Variants in IDH3G observed in about 807,000 individuals in gnomAD.
The protein encoded by IDH3G is isocitrate dehydrogenase [NAD] subunit gamma, mitochondrial.
IDH3G carries 9 observed loss-of-function variants against 26.9 expected under a neutral mutation model. The observed-to-expected ratio is 0.34, with a 90% CI of 0.20 to 0.58. IDH3G has a LOEUF of 0.58. Among genes scored for constraint, IDH3G ranks in the 20% least tolerant of loss-of-function variants. IDH3G has a pLI of 0.85. For missense variants in IDH3G, 250 were observed against 372.8 expected (o/e 0.67, Z 2.71); for synonymous variants, 181 against 160.0 (o/e 1.13, Z -0.99).
chrX:153,786,570 CA>C, intron 10 of IDH3G, 121 bp from the exon 11 acceptor site: 3 of 652,674 alleles, frequency 4.6e-6, no homozygotes, highest in Admixed American at 6.1e-5. Context: ...CAGCGGGTGC[CA>C]GGGGTTGGGG....
In IDH3G at chrX:153,787,720, G is replaced by A. The variant is rs984610527; in HGVS notation, c.540+103C>T. 2.8e-5 allele frequency: 32 copies of A among 1,130,671 alleles called. No homozygotes were observed. The African/African-American group carries it at 4.1e-4, about 15-fold the overall frequency. 93.2% of individuals were successfully genotyped at this position (1,130,671 alleles called of 1,213,427 possible). ...TCTGCCTATTTCTGGCTTCTCCCTC[G>A]GGCACAGCCCCTGCCCTCTAAGGGT... is the stretch of plus-strand genomic sequence containing the variant. On this transcript the variant is annotated intron_variant, in intron 7 of 12. Transcript: ENST00000217901.
Position 153,789,190 on chromosome X carries a change from C to A in IDH3G, c.346+522G>T, listed in dbSNP as rs1557069862. On this transcript the variant is annotated intron_variant, in intron 5 of 12. Coordinates refer to ENST00000217901, the MANE Select transcript of IDH3G (RefSeq NM_004135.4). Reference sequence around the variant, plus strand: ...CTCCAAGCACGAGGGTCCTCTCTAGCCAGACAAGCCCTGAAATCAGAGCCG... The same window carrying A: ...CTCCAAGCACGAGGGTCCTCTCTAGACAGACAAGCCCTGAAATCAGAGCCG... 1.2e-5 allele frequency: 4 copies of A among 342,749 alleles called. No homozygotes were observed. In the Admixed American group the frequency reaches 1.2e-4, roughly 11 times the overall value. The allele number at this position is 342,749 out of a possible 1,213,427, so 28.2% of individuals were successfully genotyped here.
chrX:153,787,051 C>T lies in IDH3G; in HGVS notation c.777G>A (p.Gln259=). 2.5e-6 allele frequency: 3 copies of T among 1,205,799 alleles called. No homozygotes were observed. The highest frequency in any genetic ancestry group is 3.0e-5 in the East Asian group (1 of 33,726). The change falls in exon 9 of 13, where the codon CAG becomes CAA. Residue 259 remains glutamine (Q), a splice_region_variant and synonymous_variant. Coordinates refer to ENST00000217901, the MANE Select transcript of IDH3G (RefSeq NM_004135.4). The part of the protein sequence containing the change: ...ENMIVDNTTM[Q]LVSRPQQFDV... ...GGGACAGCACTGGGCAGGCTAATAC[C>T]TGCATGGTGGTGTTATCCACAATCA...
intron 1 of IDH3G, among the ~76,000 whole-genome samples, chrX:153,792,764 T>G (rs2092114167): frequency 8.9e-6 from 1 of 112,692 alleles, no homozygotes; most frequent in Non-Finnish European, 1.9e-5. Flanking sequence ...CTGACCTTAC[T>G]GTACAGATGC....
chrX:153,787,484 G>A lies in IDH3G; in HGVS notation c.654C>T (p.Ala218=), dbSNP rs782245272. The A allele has an allele frequency of 8.3e-6, 10 of 1,211,576 alleles. No homozygotes were observed. The highest frequency in any genetic ancestry group is 4.3e-5 in the Admixed American group (2 of 46,123). Residue 218 remains alanine, a synonymous_variant, in exon 8 of 13, where the codon GCC becomes GCT. Coordinates refer to ENST00000217901, the MANE Select transcript of IDH3G (RefSeq NM_004135.4). Reference sequence around the variant, plus strand: ...CATACATGATGTTGGCCTTGTGCACGGCCGTCACTTTCTTGCGCCCGCTCT... The same window carrying A: ...CATACATGATGTTGGCCTTGTGCACAGCCGTCACTTTCTTGCGCCCGCTCT... ...AQESGRKKVT[A]VHKANIMKLG...
Position 153,787,892 on chromosome X carries a change from C to T in IDH3G, c.471G>A (p.Arg157=), listed in dbSNP as rs2092095553. ...CAATGAGGATGTCTATGTCCTTGTG[C>T]CGGGTCACCACGCCTGGAAGGCTCT... is the stretch of plus-strand genomic sequence containing the variant. The part of the protein sequence containing the change: ...HCKSLPGVVT[R]HKDIDILIVR... Residue 157 remains arginine, a synonymous_variant, in exon 7 of 13, where the codon CGG becomes CGA. Coordinates refer to ENST00000217901, the MANE Select transcript of IDH3G (RefSeq NM_004135.4). 1 of 1,210,787 alleles carries T rather than the reference C, an allele frequency of 8.3e-7. No individual in the cohort carries two copies. The highest frequency in any genetic ancestry group is 1.1e-6 in the Non-Finnish European group (1 of 894,417).
rs200756140 is a variant in IDH3G, at chrX:153,789,789, T to G, written c.269A>C (p.His90Pro). ...CTCTTCATCAGCATTGGAACTCACG[T>G]GCACCTCTTCAAAGTCCACTGGTAC... The part of the protein sequence containing the change: ...ACVPVDFEEV[H>P]VSSNADEEDI... The change falls in exon 5 of 13, where the codon CAC (histidine) becomes CCC (proline). Residue 90 changes from histidine to proline, a missense_variant. This residue lies in a region of IDH3G where 201 missense variants were observed against 331.3 expected (regional missense o/e 0.61). Transcript: ENST00000217901. 8.3e-7 allele frequency: 1 copy of G among 1,205,726 alleles called. No individual in the cohort carries two copies. Among genetic ancestry groups the G allele is most frequent in the South Asian group, 1.8e-5 (1 of 56,106 alleles).
chrX:153,786,497 G>A (rs781817649), intron 10 of IDH3G, 48 bp from the exon 11 acceptor site: 37 of 970,756 alleles, frequency 3.8e-5, no homozygotes, highest in Middle Eastern at 2.6e-4. Context: ...GAAGGATGCC[G>A]GGCAGTGACT....
At chrX:153,790,469 C>G in intron 3 of IDH3G, 95 bp downstream of exon 3, 1 of 1,013,153 alleles carries the variant, frequency 9.9e-7, no homozygotes. Flanking sequence ...ATCCAGGGCT[C>G]CTGGGTCAGC....
Position 153,790,474 on chromosome X carries a change from G to A in IDH3G, c.135+90C>T, listed in dbSNP as rs997329137. The stretch of plus-strand genomic sequence containing the variant: ...AGGGCTGCTCATCCAGGGCTCCTGG[G>A]TCAGCAGCAGCCCACCCCCACCTGG... On this transcript the variant is annotated intron_variant, in intron 3 of 12. Coordinates refer to ENST00000217901, the MANE Select transcript of IDH3G (RefSeq NM_004135.4). 26 of 1,024,342 alleles carry A rather than the reference G, an allele frequency of 2.5e-5. No individual in the cohort carries two copies. The African/African-American group carries it at 3.9e-4, about 15-fold the overall frequency. The allele number at this position is 1,024,342 out of a possible 1,213,427, so 84.4% of individuals were successfully genotyped here.
intron 10 of IDH3G, 83 bp from the exon 11 acceptor site, chrX:153,786,532 A>C (rs2092088763): frequency 3.8e-6 from 3 of 792,721 alleles, no homozygotes; most frequent in East Asian, 3.5e-5. Context: ...CGTCCAGAAG[A>C]AGCCACTCCA....
chrX:153,793,502 G>A (rs1246274956), intron 1 of IDH3G: 1 of 111,998 alleles, frequency 8.9e-6, no homozygotes, highest in East Asian at 2.8e-4. Flanking sequence ...AGAGAGAGGA[G>A]GAAATGGCCT....
rs782190038 is a variant in IDH3G, at chrX:153,786,293, C to T, written c.1020-21G>A. Reference sequence around the variant, plus strand: ...GCAGCCTAGAGGATGGGACAGCCAGCCTTCAGTCCCTGGGGCCCGGAGGGC... The same window carrying T: ...GCAGCCTAGAGGATGGGACAGCCAGTCTTCAGTCCCTGGGGCCCGGAGGGC... On this transcript the variant is annotated intron_variant, in intron 11 of 12. Coordinates refer to ENST00000217901, the MANE Select transcript of IDH3G (RefSeq NM_004135.4). 6.7e-6 allele frequency: 8 copies of T among 1,201,969 alleles called. No homozygotes were observed. The Admixed American group carries it at 1.8e-4, about 26-fold the overall frequency.
chrX:153,793,953 G>T (rs1239045182), intron 1 of IDH3G: 1 of 243,236 alleles, frequency 4.1e-6, no homozygotes, highest in African/African-American at 2.8e-5. Flanking sequence ...GACTGCCTCA[G>T]AAGGGCTCCT....
chrX:153,789,833 CG>C lies in IDH3G; in HGVS notation c.234-10del. The C allele has an allele frequency of 8.8e-7, 1 of 1,136,566 alleles. No homozygotes were observed. The highest frequency in any genetic ancestry group is 1.9e-5 in the South Asian group (1 of 53,390). 93.7% of individuals were successfully genotyped at this position (1,136,566 alleles called of 1,213,427 possible). Reference sequence around the variant, plus strand: ...CTGGTACACATGCGTGCCTGAGGCACGGCAGGGTCAGGGAGGCTGGCCCAGA... The same window carrying C: ...CTGGTACACATGCGTGCCTGAGGCACGCAGGGTCAGGGAGGCTGGCCCAGA... On this transcript the variant is annotated splice_polypyrimidine_tract_variant and intron_variant, in intron 4 of 12. Coordinates refer to ENST00000217901, the MANE Select transcript of IDH3G (RefSeq NM_004135.4).
In IDH3G at chrX:153,788,939, G is replaced by A. The variant is rs1191805444; in HGVS notation, c.346+773C>T. 3.6e-5 allele frequency among the ~76,000 whole-genome samples: 4 copies of A among 112,537 alleles called. No individual in the cohort carries two copies. The Admixed American group carries it at 3.7e-4, about 11-fold the overall frequency. The stretch of plus-strand genomic sequence containing the variant: ...ATCCACCTCCAGGCTGGCTGCAGCC[G>A]AGGAGCCAGGCAGAGGGTCGGAACT... On this transcript the variant is annotated intron_variant, in intron 5 of 12. Coordinates refer to ENST00000217901, the MANE Select transcript of IDH3G (RefSeq NM_004135.4).
At chrX:153,788,178 C>T in intron 5 of IDH3G, 43 bp from the exon 6 acceptor site, 3 of 1,181,922 alleles carry the variant, frequency 2.5e-6, no homozygotes, top group South Asian at 1.8e-5. Flanking sequence ...CCCATCCCCG[C>T]CCCACCTCAG....
intron 10 of IDH3G, 120 bp from the exon 11 acceptor site, chrX:153,786,569 C>T: frequency 1.5e-6 from 1 of 653,528 alleles, no homozygotes; most frequent in Non-Finnish European, 2.4e-6. Flanking sequence ...CCAGCGGGTG[C>T]CAGGGGTTGG....
chrX:153,794,027 C>T, intron 1 of IDH3G: 1 of 381,540 alleles, frequency 2.6e-6, no homozygotes, highest in Non-Finnish European at 4.4e-6. Flanking sequence ...GGAGGGCCCC[C>T]CGCCACCCGA....
Sources: gnomAD v4.1 joint callset for allele counts (sites outside exome capture counted in the v4.1 genomes callset) on GRCh38, gnomAD v4.1.1 for gene constraint, gnomAD v4.1.1 regional missense constraint, MANE v1.5 for transcripts, NCBI Gene and HGNC (gene_info 2026-07-23, HGNC 2026-07-21) for gene names.